The following NPAS3 variants were observed in gnomAD, a reference collection of about 807,000 sequenced individuals.
NPAS3 encodes neuronal PAS domain protein 3, also known as neuronal PAS domain-containing protein 3.
Under a neutral mutation model 73.1 loss-of-function variants are expected in NPAS3, and 14 were observed. The ratio of observed to expected loss-of-function variants is 0.19; its 90% CI spans 0.13 to 0.30. The LOEUF is 0.30. Ranked by LOEUF, NPAS3 falls within the 10% of genes least tolerant of loss-of-function variation. The probability of loss-of-function intolerance (pLI) is 1.00; values close to 1 mark genes in which losing one functional copy is unlikely to be tolerated. For missense variants in NPAS3, 1,096 were observed against 1,250.0 expected, an observed-to-expected ratio of 0.88 and a Z score of 1.86; for synonymous variants, 620 against 541.5, an observed-to-expected ratio of 1.14 and a Z score of -2.01.
At chr14:33,216,770 C>T (rs1594419430) in intron 3 of NPAS3, among the ~76,000 whole-genome samples, 2 of 152,198 alleles carry the variant, frequency 1.3e-5, no homozygotes, top group East Asian at 1.9e-4. Flanking sequence ...GTTTGAAGAC[C>T]ACTGCTCTAG....
intron 5 of NPAS3, chr14:33,612,308 A>G (rs1172956086): frequency 4.6e-6 from 2 of 433,338 alleles, no homozygotes; most frequent in East Asian, 7.1e-5. Context: ...TTTGCGCTCA[A>G]AGTGTTTCAA....
At chr14:33,017,569 G>GA (rs2039439307) in intron 1 of NPAS3, among the ~76,000 whole-genome samples, 1 of 152,156 alleles carries the variant, frequency 6.6e-6, no homozygotes, top group South Asian at 2.1e-4. Flanking sequence ...CAGTTAATCA[G>GA]AGTCCCATTT....
chr14:33,043,703 C>T (rs1462995333), intron 1 of NPAS3, among the ~76,000 whole-genome samples: 2 of 152,080 alleles, frequency 1.3e-5, no homozygotes, highest in East Asian at 3.8e-4. Flanking sequence ...GGAACAAAGA[C>T]TTACACAGCA....
intron 1 of NPAS3, among the ~76,000 whole-genome samples, chr14:33,005,288 T>C (rs1001820397): frequency 2.0e-5 from 3 of 152,178 alleles, no homozygotes; most frequent in East Asian, 1.9e-4. Flanking sequence ...CAGTAGGTGA[T>C]AGGAATTTTT....
rs533555422 is a variant in NPAS3 at position 33,007,223 on chromosome 14, C to T, written c.51-48682C>T. ...TGAGGACTGGGAGGGGTCTTAGTAG[C>T]GCCCGGCGCAAGCATCCTGGATGCC... On this transcript the variant is annotated intron_variant, in intron 1 of 11. Coordinates refer to ENST00000356141, the Ensembl canonical transcript of NPAS3. Among the ~76,000 whole-genome samples the T allele has an allele frequency of 7.4e-4, 113 of 152,256 alleles. 1 individual carries two copies. Among genetic ancestry groups the T allele is most frequent in the African/African-American group, 2.5e-3 (103 of 41,548 alleles).
intron 6 of NPAS3, among the ~76,000 whole-genome samples, chr14:33,728,826 T>G (rs1194085573): frequency 2.0e-5 from 3 of 152,274 alleles, no homozygotes; most frequent in Middle Eastern, 6.8e-3. Flanking sequence ...AAAAGAACAC[T>G]TTGCAGAAAA....
chr14:33,322,882 T>C (rs1227727122), intron 3 of NPAS3, among the ~76,000 whole-genome samples: 1 of 152,188 alleles, frequency 6.6e-6, no homozygotes, highest in African/African-American at 2.4e-5. Context: ...TTTCTGCCTA[T>C]TTGTATATCT....
chr14:33,461,538 C>G (rs541797860), intron 4 of NPAS3, among the ~76,000 whole-genome samples: 1 of 152,174 alleles, frequency 6.6e-6, no homozygotes, highest in East Asian at 1.9e-4. Context: ...TTATGAGTTC[C>G]GACGGGAAAA....
intron 4 of NPAS3, among the ~76,000 whole-genome samples, chr14:33,497,561 T>G (rs2052268231): frequency 6.6e-6 from 1 of 152,118 alleles, no homozygotes; most frequent in Admixed American, 6.6e-5. Flanking sequence ...TACAACCATC[T>G]GATCTTTGAC....
At chr14:32,994,761 A>G (rs906993286) in intron 1 of NPAS3, among the ~76,000 whole-genome samples, 4 of 151,990 alleles carry the variant, frequency 2.6e-5, no homozygotes, top group African/African-American at 9.7e-5. Flanking sequence ...CCTCCCAAGT[A>G]GCTGGGATTA....
chr14:33,609,666 G>A (rs969943432), intron 5 of NPAS3, among the ~76,000 whole-genome samples: 1 of 151,856 alleles, frequency 6.6e-6, no homozygotes, highest in African/African-American at 2.4e-5. Flanking sequence ...TCCCTAAGAT[G>A]TAAGAGCTCC....
intron 1 of NPAS3, among the ~76,000 whole-genome samples, chr14:33,040,000 G>C (rs555525353): frequency 6.6e-6 from 1 of 152,056 alleles, no homozygotes; most frequent in African/African-American, 2.4e-5. Flanking sequence ...AAATATTTTT[G>C]AATACCAGAT....
chr14:33,543,936 T>C (rs1417145920), intron 4 of NPAS3, among the ~76,000 whole-genome samples: 1 of 96,220 alleles, frequency 1.0e-5, no homozygotes, highest in Non-Finnish European at 2.1e-5. Flanking sequence ...CAGACAGGTA[T>C]GGCAAAGTGC....
intron 9 of NPAS3, chr14:33,780,819 C>CTAAT: frequency 7.4e-6 from 2 of 271,620 alleles, no homozygotes; most frequent in South Asian, 6.8e-5. Context: ...TGCTATTCTC[C>CTAAT]TAATTTTTCT....
At chr14:33,008,497 T>C (rs1185567843) in intron 1 of NPAS3, among the ~76,000 whole-genome samples, 1 of 152,140 alleles carries the variant, frequency 6.6e-6, no homozygotes. Flanking sequence ...ATAGGAGTGT[T>C]AGTCAAAGGT....
intron 5 of NPAS3, among the ~76,000 whole-genome samples, chr14:33,594,527 C>T (rs527775122): frequency 1.3e-5 from 2 of 152,290 alleles, no homozygotes; most frequent in South Asian, 2.1e-4. Flanking sequence ...CAACTTTCTG[C>T]GTCTCCCTTC....
At chr14:33,693,270 G>A (rs2060283019) in intron 6 of NPAS3, among the ~76,000 whole-genome samples, 2 of 152,116 alleles carry the variant, frequency 1.3e-5, no homozygotes, top group South Asian at 4.2e-4. Flanking sequence ...TTTTTACATG[G>A]AAATAATCAA....
chr14:33,568,015 T>A (rs1024849111), intron 5 of NPAS3, among the ~76,000 whole-genome samples: 3 of 152,222 alleles, frequency 2.0e-5, no homozygotes, highest in African/African-American at 7.2e-5. Context: ...TTCAAATGTA[T>A]GAATCGAAAA....
chr14:33,589,477 C>T (rs1385884490), intron 5 of NPAS3, among the ~76,000 whole-genome samples: 1 of 152,170 alleles, frequency 6.6e-6, no homozygotes, highest in Non-Finnish European at 1.5e-5. Context: ...ATTGTTACGT[C>T]AGCACACACC....
Sources: allele counts gnomAD v4.1 joint callset (sites outside exome capture counted in the v4.1 genomes callset), GRCh38; gene constraint gnomAD v4.1.1; transcripts MANE v1.5; gene names NCBI Gene and HGNC (gene_info 2026-07-23, HGNC 2026-07-21).